GLB1: variants seen among roughly 807,000 people sequenced by gnomAD.
The protein encoded by GLB1 is galactosidase beta 1.
GLB1 carries 56 observed loss-of-function variants against 74.0 expected under a neutral mutation model. The observed-to-expected ratio is 0.76, with a 90% CI of 0.61 to 0.94. The LOEUF is 0.94. Ranked by LOEUF, GLB1 falls within the 40% of genes least tolerant of loss-of-function variation. The pLI, the probability that GLB1 is intolerant of heterozygous loss-of-function variation, is 0.00. For synonymous variants in GLB1, 323 were observed against 323.6 expected (o/e 1.00, Z 0.02); for missense variants, 787 against 845.5 (o/e 0.93, Z 0.86).
rs35289681 is a variant in GLB1, at chr3:33,068,891, G to A, written c.325C>T (p.Arg109Trp). 0.019 allele frequency: 30,257 copies of A among 1,614,114 alleles called. 356 individuals are homozygous for A. The highest frequency in any genetic ancestry group is 0.021 in the Non-Finnish European group (24,308 of 1,180,022). ...AGCAGTCCCAGCTCATGAGCCAGCC[G>A]AAGAAAATATTCCACATCATGGTCC... ...SEDHDVEYFLRLAHELGLLVI... is the reference protein window; with the variant it reads ...SEDHDVEYFLWLAHELGLLVI... The change falls in exon 3 of 16, where the codon CGG becomes TGG. Residue 109 changes from arginine to tryptophan, a missense_variant. Coordinates refer to ENST00000307363, the MANE Select transcript of GLB1 (RefSeq NM_000404.4).
At chr3:33,075,419 C>A (rs185917177) in intron 1 of GLB1, among the ~76,000 whole-genome samples, 161 of 152,326 alleles carry the variant, frequency 1.1e-3, no homozygotes, top group Admixed American at 4.0e-3. Flanking sequence ...CATGGTGGGA[C>A]ACTGTCTCTA....
In GLB1 at chr3:33,016,796, G is replaced by A. The variant is rs1384213332; in HGVS notation, c.1392C>T (p.Asn464=). 6.2e-7 allele frequency: 1 copy of A among 1,614,134 alleles called. No homozygotes were observed. Among genetic ancestry groups the A allele is most frequent in the Non-Finnish European group, 8.5e-7 (1 of 1,180,012 alleles). Reference sequence around the variant, plus strand: ...GAGTGGCTCCAGCTTTCCCTGTTATGTTCAGAGTGATCACATTGTTTCGCT... The same window carrying A: ...GAGTGGCTCCAGCTTTCCCTGTTATATTCAGAGTGATCACATTGTTTCGCT... ...VLERNNVITL[N]ITGKAGATLD... The change falls in exon 14 of 16, where the codon AAC becomes AAT. Residue 464 remains asparagine, a synonymous_variant. Coordinates refer to ENST00000307363, the MANE Select transcript of GLB1 (RefSeq NM_000404.4).
chr3:33,009,172 G>A (rs867613905), intron 15 of GLB1, among the ~76,000 whole-genome samples: 13 of 127,094 alleles, frequency 1.0e-4, no homozygotes, highest in Non-Finnish European at 1.5e-4. Context: ...ATTGTGGTAA[G>A]GCCTAGGCTT....
rs148596739 is a variant in GLB1 at position 33,084,841 on chromosome 3, A to G, written c.76-12128T>C. Among the ~76,000 whole-genome samples the G allele has an allele frequency of 3.8e-3, 575 of 152,294 alleles. 6 individuals carry two copies. The highest frequency in any genetic ancestry group is 0.013 in the African/African-American group (532 of 41,570). ...AATACAGCTTAAACTGCATTCAGGG[A>G]AAAAAACAAAAGCAAACTGCATTCA... On this transcript the variant is annotated intron_variant, in intron 1 of 15. Transcript: ENST00000307363.
Position 33,053,512 on chromosome 3 carries a change from C to T in GLB1, c.771G>A (p.Lys257=). 1 of 1,614,174 alleles carries T rather than the reference C, an allele frequency of 6.2e-7. No homozygotes were observed. Among genetic ancestry groups the T allele is most frequent in the African/African-American group, 1.3e-5 (1 of 75,038 alleles). ...NITDAFLSQR[K]CEPKGPLINS... ...TTACCAAGGGTCCTTTGGGCTCACA[C>T]TTCCTCTGGCTTAGGAAAGCATCTG... The change falls in exon 7 of 16, where the codon AAG becomes AAA. Residue 257 remains lysine (K), a synonymous_variant. Coordinates refer to ENST00000307363, the MANE Select transcript of GLB1 (RefSeq NM_000404.4).
At chr3:33,070,145 T>C (rs1699839726) in intron 2 of GLB1, among the ~76,000 whole-genome samples, 2 of 152,248 alleles carry the variant, frequency 1.3e-5, no homozygotes, top group Admixed American at 1.3e-4. Flanking sequence ...CATTCTTTTT[T>C]GTGATTTTTG....
chr3:32,984,281 C>T, the GLB1 span, among the ~76,000 whole-genome samples: 14 of 151,958 alleles, frequency 9.2e-5, no homozygotes, highest in Non-Finnish European at 1.3e-4. Flanking sequence ...AGAGGGGTTC[C>T]TCTGAGGGGA....
intron 7 of GLB1, among the ~76,000 whole-genome samples, chr3:33,052,389 T>C (rs1699030268): frequency 6.6e-6 from 1 of 152,146 alleles, no homozygotes; most frequent in African/African-American, 2.4e-5. Flanking sequence ...ATCTCAGTAC[T>C]TTGGGAGGCC....
intron 12 of GLB1, among the ~76,000 whole-genome samples, chr3:33,019,397 G>A (rs1697376779): frequency 6.6e-6 from 1 of 152,170 alleles, no homozygotes; most frequent in South Asian, 2.1e-4. Flanking sequence ...TCCTGCTGTG[G>A]ACATTATTAG....
At chr3:33,053,092 T>C (rs1699064834) in intron 7 of GLB1, among the ~76,000 whole-genome samples, 1 of 152,188 alleles carries the variant, frequency 6.6e-6, no homozygotes, top group Admixed American at 6.5e-5. Context: ...GACACCCACC[T>C]GCAGCTTGCC....
At chr3:33,017,396 A>T (rs1697279106) in intron 13 of GLB1, among the ~76,000 whole-genome samples, 1 of 152,262 alleles carries the variant, frequency 6.6e-6, no homozygotes, top group South Asian at 2.1e-4. Context: ...AGACTTTAAA[A>T]ATTGACCTTA....
chr3:33,067,159 C>T (rs1348893951), intron 4 of GLB1, among the ~76,000 whole-genome samples: 1 of 152,124 alleles, frequency 6.6e-6, no homozygotes, highest in Non-Finnish European at 1.5e-5. Context: ...TGCACCACCA[C>T]ACCCAGCTAA....
intron 5 of GLB1, among the ~76,000 whole-genome samples, chr3:33,064,146 T>C (rs1374019636): frequency 2.6e-5 from 4 of 152,174 alleles, no homozygotes; most frequent in Non-Finnish European, 5.9e-5. Flanking sequence ...CATAAAAGCA[T>C]CCCTGGTCAT....
At chr3:32,987,347 T>C in the GLB1 span, among the ~76,000 whole-genome samples, 7 of 152,366 alleles carry the variant, frequency 4.6e-5, no homozygotes, top group East Asian at 1.2e-3. Context: ...AAGAACCATA[T>C]AGCAGAATCA....
intron 15 of GLB1, among the ~76,000 whole-genome samples, chr3:33,010,573 C>T (rs1174863771): frequency 1.3e-5 from 2 of 152,040 alleles, no homozygotes; most frequent in Non-Finnish European, 2.9e-5. Context: ...TTATTTTTCT[C>T]CCAGTTTGTG....
At chr3:33,035,511 T>A (rs1442397067) in intron 10 of GLB1, among the ~76,000 whole-genome samples, 1 of 152,212 alleles carries the variant, frequency 6.6e-6, no homozygotes, top group Non-Finnish European at 1.5e-5. Context: ...CCAAAACTCA[T>A]ATGTTGAAAT....
chr3:33,078,342 AAAACCATTAG>A (rs1292716197), intron 1 of GLB1, among the ~76,000 whole-genome samples: 1 of 152,260 alleles, frequency 6.6e-6, no homozygotes, highest in Non-Finnish European at 1.5e-5. Context: ...AATAGATGCT[AAAACCATTAG>A]AAACACTGAT....
chr3:32,984,497 G>A, the GLB1 span, among the ~76,000 whole-genome samples: 5 of 152,312 alleles, frequency 3.3e-5, no homozygotes, highest in East Asian at 9.6e-4. Flanking sequence ...TGCAAAAGTG[G>A]CTGGTTGTGG....
intron 9 of GLB1, among the ~76,000 whole-genome samples, chr3:33,049,071 A>G (rs571780876): frequency 6.6e-6 from 1 of 152,292 alleles, no homozygotes; most frequent in African/African-American, 2.4e-5. Flanking sequence ...TATTTTAAGT[A>G]TAACAGTAAG....
Sources: gnomAD v4.1 joint callset for allele counts (sites outside exome capture counted in the v4.1 genomes callset) on GRCh38, gnomAD v4.1.1 for gene constraint, MANE v1.5 for transcripts, NCBI Gene and HGNC (gene_info 2026-07-23, HGNC 2026-07-21) for gene names.